The following ZNF141 variants were observed in gnomAD, a reference collection of about 807,000 sequenced individuals.
ZNF141 encodes zinc finger protein 141.
A neutral mutation model predicts 11.3 loss-of-function variants in ZNF141; 7 were observed. The observed-to-expected ratio is 0.62, with a 90% CI of 0.35 to 1.16. The LOEUF (loss-of-function observed/expected upper bound fraction) is 1.16, where lower values mean the gene tolerates loss of function less well. Among genes scored for constraint, ZNF141 ranks in the 50% most tolerant of loss-of-function variants. The pLI is 0.02. For missense variants in ZNF141, 535 were observed against 554.0 expected (o/e 0.97, Z 0.34); for synonymous variants, 183 against 190.7 (o/e 0.96, Z 0.33).
At chr4:364,648 A>T (rs1292010061) in intron 3 of ZNF141, among the ~76,000 whole-genome samples, 1 of 152,044 alleles carries the variant, frequency 6.6e-6, no homozygotes, top group African/African-American at 2.4e-5. Context: ...CCTGGGTATC[A>T]CCAGCAGAGA....
chr4:343,072 A>G (rs1422686565), intron 1 of ZNF141: 1 of 354,128 alleles, frequency 2.8e-6, no homozygotes, highest in Non-Finnish European at 4.6e-6. Flanking sequence ...AAAGTATTTA[A>G]AAAGTTCCTT....
In ZNF141 at chr4:344,342, T is replaced by C. The variant is rs782244782; in HGVS notation, c.138T>C (p.Ala46=). ...TTTTTTAAAATAAAACAGGTGTTGC[T>C]ATCTCTAACCCAGACCTGGTCACCT... The part of the protein sequence containing the change: ...NYRNLVSLGV[A]ISNPDLVTCL... Residue 46 remains alanine (A), a synonymous_variant, in exon 3 of 4, where the codon GCT becomes GCC. Transcript: ENST00000240499. The C allele has an allele frequency of 1.6e-5, 26 of 1,607,202 alleles. No individual in the cohort carries two copies. Among genetic ancestry groups the C allele is most frequent in the Non-Finnish European group, 2.1e-5 (25 of 1,175,356 alleles).
At chr4:371,557 T>TGC (rs1316379776) in intron 3 of ZNF141, among the ~76,000 whole-genome samples, 1 of 148,984 alleles carries the variant, frequency 6.7e-6, no homozygotes, top group Non-Finnish European at 1.5e-5. Context: ...TGTGTGTGTG[T>TGC]GTGTCAGAGT....
intron 3 of ZNF141, among the ~76,000 whole-genome samples, chr4:348,239 C>G (rs1721432745): frequency 6.6e-6 from 1 of 152,100 alleles, no homozygotes; most frequent in Admixed American, 6.6e-5. Context: ...TGTGCAGAGG[C>G]TGTTTACTTT....
In ZNF141 at chr4:372,882, G is replaced by C. The variant is rs369201541; in HGVS notation, c.445G>C (p.Ala149Pro). ...CCAGAGCAAAATACTTCAGTGTAAAGCAAGTGTCAAAGTTGTTAGTAAATT... is the reference window on the plus strand; with the variant it reads ...CCAGAGCAAAATACTTCAGTGTAAACCAAGTGTCAAAGTTGTTAGTAAATT... ...TTQSKILQCK[A>P]SVKVVSKFSN... is the part of the protein sequence containing the mutation. Residue 149 changes from alanine to proline, a missense_variant, in exon 4 of 4, where the codon GCA becomes CCA. Ala to Pro is a conservative substitution (Grantham distance 27). Transcript: ENST00000240499. 5.4e-5 allele frequency: 87 copies of C among 1,613,230 alleles called. No homozygotes were observed. Among genetic ancestry groups the C allele is most frequent in the Non-Finnish European group, 7.0e-5 (83 of 1,179,466 alleles).
At chr4:348,633 T>G (rs782575512) in intron 3 of ZNF141, among the ~76,000 whole-genome samples, 1 of 151,494 alleles carries the variant, frequency 6.6e-6, no homozygotes, top group Non-Finnish European at 1.5e-5. Context: ...GAGAATCACT[T>G]GAACCCAAGA....
rs1472231197 is a variant in ZNF141, at chr4:373,691, T to C, written c.1254T>C (p.Ser418=). ...GGAGTCAACATAAGAAAATTCATAG[T>C]GCAGATAAACCCTACAAATGTAAAG... ...TDRSQHKKIH[S]ADKPYKCKEC... is the part of the protein sequence containing the mutation. Residue 418 remains serine (S), a synonymous_variant, in exon 4 of 4, where the codon AGT becomes AGC. Transcript: ENST00000240499. 3 of 1,613,972 alleles carry C rather than the reference T, an allele frequency of 1.9e-6. No homozygotes were observed. The highest frequency in any genetic ancestry group is 2.2e-5 in the South Asian group (2 of 91,082).
rs1337994054 is a variant in ZNF141 at position 380,945 on chromosome 4, A to T, written c.*7083A>T. On this transcript the variant is annotated 3_prime_UTR_variant, in exon 4 of 4. Coordinates refer to ENST00000240499, the MANE Select transcript of ZNF141 (RefSeq NM_003441.4). ...AAAAGAGAAATACTTCCTGTATTTA[A>T]ACCATATAAACTCTAGAATTGCCCT... Among the ~76,000 whole-genome samples, 1 of 152,222 alleles carries T rather than the reference A, an allele frequency of 6.6e-6. No individual in the cohort carries two copies. Among genetic ancestry groups the T allele is most frequent in the African/African-American group, 2.4e-5 (1 of 41,454 alleles).
At position 381,117 on chromosome 4, in the gene ZNF141, CACAT is replaced by C. The variant is rs1333187076; in HGVS notation, c.*7257_*7260del. On this transcript the variant is annotated 3_prime_UTR_variant, in exon 4 of 4. Coordinates refer to ENST00000240499, the MANE Select transcript of ZNF141 (RefSeq NM_003441.4). The stretch of plus-strand genomic sequence containing the variant: ...AATTAAATATTATTTACTACAAACT[CACAT>C]AGTACATTATGACTTTATTACTGTT... 6.6e-6 allele frequency among the ~76,000 whole-genome samples: 1 copy of C among 152,098 alleles called. No individual in the cohort carries two copies. The highest frequency in any genetic ancestry group is 2.4e-5 in the African/African-American group (1 of 41,404).
chr4:372,696 C>G lies in ZNF141; in HGVS notation c.259C>G (p.Pro87Ala). Reference sequence around the variant, plus strand: ...TTCTCATTTCACCCAAGACCATTGGCCAGTGCAGGGCATAGAAGATTCATT... The same window carrying G: ...TTCTCATTTCACCCAAGACCATTGGGCAGTGCAGGGCATAGAAGATTCATT... ...MCSHFTQDHWPVQGIEDSFHK... is the reference protein window; with the variant it reads ...MCSHFTQDHWAVQGIEDSFHK... Residue 87 changes from proline (P) to alanine (A), a missense_variant, in exon 4 of 4, where the codon CCA becomes GCA. Physicochemically the swap from Pro to Ala is conservative, Grantham distance 27. Transcript: ENST00000240499. The G allele has an allele frequency of 6.4e-7, 1 of 1,569,840 alleles. No homozygotes were observed. Among genetic ancestry groups the G allele is most frequent in the Non-Finnish European group, 8.6e-7 (1 of 1,157,808 alleles).
intron 3 of ZNF141, among the ~76,000 whole-genome samples, chr4:359,509 G>C (rs2108709078): frequency 6.6e-6 from 1 of 152,264 alleles, no homozygotes. Flanking sequence ...ACACAGCTGA[G>C]ACCAAAGTCT....
At chr4:352,916 G>A (rs781797686) in intron 3 of ZNF141, among the ~76,000 whole-genome samples, 2 of 152,180 alleles carry the variant, frequency 1.3e-5, no homozygotes, top group South Asian at 4.1e-4. Context: ...GGCCCCTGGA[G>A]TTTGTGACTG....
intron 1 of ZNF141, among the ~76,000 whole-genome samples, chr4:339,232 C>T (rs1434250249): frequency 6.6e-6 from 1 of 152,176 alleles, no homozygotes; most frequent in East Asian, 1.9e-4. Context: ...AACCCCAGAT[C>T]TGTAGCAGGA....
chr4:380,497 T>C lies in ZNF141; in HGVS notation c.*6635T>C, dbSNP rs1253165805. ...TGAAACCCCGTCTCTACTACAAATA[T>C]AAAAATTAGCTGGGTGTGGTGTCAG... On this transcript the variant is annotated 3_prime_UTR_variant, in exon 4 of 4. Coordinates refer to ENST00000240499, the MANE Select transcript of ZNF141 (RefSeq NM_003441.4). 6.6e-6 allele frequency among the ~76,000 whole-genome samples: 1 copy of C among 151,804 alleles called. No individual in the cohort carries two copies. Among genetic ancestry groups the C allele is most frequent in the African/African-American group, 2.4e-5 (1 of 41,306 alleles).
rs1712659773 is a variant in ZNF141, at chr4:382,265, A to G, written c.*8403A>G. The stretch of plus-strand genomic sequence containing the variant: ...CCGGCCTTAGTTGTGTGTGATTTCT[A>G]TGTGTGCTCTAGGCACTTGCCCTAT... On this transcript the variant is annotated 3_prime_UTR_variant, in exon 4 of 4. Transcript: ENST00000240499. Among the ~76,000 whole-genome samples, 1 of 152,052 alleles carries G rather than the reference A, an allele frequency of 6.6e-6. No homozygotes were observed. Among genetic ancestry groups the G allele is most frequent in the Non-Finnish European group, 1.5e-5 (1 of 68,010 alleles).
chr4:343,447 T>A (rs1362142990), intron 1 of ZNF141, among the ~76,000 whole-genome samples: 1 of 152,136 alleles, frequency 6.6e-6, no homozygotes, highest in Non-Finnish European at 1.5e-5. Flanking sequence ...TCCCTTCGGC[T>A]GGGCGCAGTG....
chr4:369,764 A>ATATATATTTTTT, intron 3 of ZNF141, among the ~76,000 whole-genome samples: 10 of 48,722 alleles, frequency 2.1e-4, no homozygotes, highest in South Asian at 8.3e-4. Context: ...ATATATATAT[A>ATATATATTTTTT]TTTTTTTTTT....
chr4:358,218 G>A (rs782521864), intron 3 of ZNF141: 6 of 309,198 alleles, frequency 1.9e-5, no homozygotes, highest in Non-Finnish European at 3.0e-5. Context: ...ATGGAGTTTC[G>A]CTCTTGTCAC....
intron 3 of ZNF141, among the ~76,000 whole-genome samples, chr4:370,923 A>G (rs200731244): frequency 1.1e-4 from 16 of 151,694 alleles, no homozygotes; most frequent in Non-Finnish European, 1.8e-4. Context: ...TAGTAGAGAC[A>G]GGGTTTCACC....
Sources: gnomAD v4.1 joint callset for allele counts (sites outside exome capture counted in the v4.1 genomes callset) on GRCh38, gnomAD v4.1.1 for gene constraint, MANE v1.5 for transcripts, NCBI Gene and HGNC (gene_info 2026-07-23, HGNC 2026-07-21) for gene names.